Variants in OSBPL1A observed in about 807,000 individuals in gnomAD.
The protein encoded by OSBPL1A is oxysterol-binding protein-related protein 1.
A neutral mutation model predicts 137.1 loss-of-function variants in OSBPL1A; 80 were observed. That is an observed-to-expected ratio of 0.58 (90% CI 0.49 to 0.70). The LOEUF (loss-of-function observed/expected upper bound fraction) is 0.70. OSBPL1A is among the 30% of genes least tolerant of loss of function. The probability of loss-of-function intolerance (pLI) is 0.00; values close to 1 mark genes in which losing one functional copy is unlikely to be tolerated. For missense variants in OSBPL1A, 970 were observed against 1,129.4 expected (o/e 0.86, Z 2.02); for synonymous variants, 365 against 389.7 (o/e 0.94, Z 0.75).
intron 17 of OSBPL1A, among the ~76,000 whole-genome samples, chr18:24,218,030 A>G (rs989558148): frequency 6.6e-6 from 1 of 152,124 alleles, no homozygotes; most frequent in African/African-American, 2.4e-5. Context: ...AAAATGGGGG[A>G]GGGAAGAGGA....
chr18:24,394,629 T>C (rs1217215665), intron 1 of OSBPL1A, among the ~76,000 whole-genome samples: 7 of 152,162 alleles, frequency 4.6e-5, no homozygotes, highest in African/African-American at 1.4e-4. Flanking sequence ...TTTAGAAAAA[T>C]GCATTAAAAT....
intron 14 of OSBPL1A, among the ~76,000 whole-genome samples, chr18:24,293,223 G>A (rs1457412156): frequency 6.6e-6 from 1 of 151,944 alleles, no homozygotes; most frequent in Non-Finnish European, 1.5e-5. Flanking sequence ...AGAGACTGGC[G>A]TGCGGGACAC....
chr18:24,353,796 T>C (rs1360139824), intron 4 of OSBPL1A, among the ~76,000 whole-genome samples: 2 of 151,840 alleles, frequency 1.3e-5, no homozygotes, highest in South Asian at 2.1e-4. Context: ...GAAACCATCA[T>C]ACTCAGCAAA....
intron 14 of OSBPL1A, among the ~76,000 whole-genome samples, chr18:24,297,297 G>C (rs561875885): frequency 5.8e-4 from 88 of 152,180 alleles, no homozygotes; most frequent in African/African-American, 2.1e-3. Flanking sequence ...TTTCATAATA[G>C]TTTCAAATGA....
intron 7 of OSBPL1A, among the ~76,000 whole-genome samples, chr18:24,327,405 G>A (rs1016437265): frequency 1.3e-4 from 20 of 151,826 alleles, no homozygotes; most frequent in Admixed American, 1.3e-3. Flanking sequence ...GCCTTTGATT[G>A]ATTGATTGAT....
chr18:24,186,526 A>C (rs1031486638), intron 18 of OSBPL1A, among the ~76,000 whole-genome samples: 2 of 152,166 alleles, frequency 1.3e-5, no homozygotes, highest in Admixed American at 6.5e-5. Context: ...GGGCATATGG[A>C]ATCCTAATAA....
At chr18:24,248,822 C>A (rs1305820550) in intron 15 of OSBPL1A, among the ~76,000 whole-genome samples, 1 of 151,994 alleles carries the variant, frequency 6.6e-6, no homozygotes, top group East Asian at 1.9e-4. Context: ...CAATATAAAC[C>A]CAGAATATTT....
chr18:24,313,468 A>G lies in OSBPL1A; in HGVS notation c.969+781T>C, dbSNP rs1236637307. Among the ~76,000 whole-genome samples the G allele has an allele frequency of 3.9e-5, 6 of 151,908 alleles. No individual in the cohort carries two copies. The South Asian group carries it at 1.0e-3, about 26-fold the overall frequency. On this transcript the variant is annotated intron_variant, in intron 12 of 27. Transcript: ENST00000319481. Reference sequence around the variant, plus strand: ...GGATAGTCCATTAAGTGACTGCACCATAAGTATTGGTCAAGTAAATCCCAA... The same window carrying G: ...GGATAGTCCATTAAGTGACTGCACCGTAAGTATTGGTCAAGTAAATCCCAA...
intron 12 of OSBPL1A, 85 bp downstream of exon 12, chr18:24,314,164 T>C: frequency 1.3e-6 from 1 of 794,802 alleles, no homozygotes; most frequent in Non-Finnish European, 2.0e-6. Context: ...AGATGTTGGA[T>C]GTTACCACTG....
intron 16 of OSBPL1A, among the ~76,000 whole-genome samples, chr18:24,234,103 G>GA (rs1479518659): frequency 6.6e-6 from 1 of 152,084 alleles, no homozygotes; most frequent in Non-Finnish European, 1.5e-5. Flanking sequence ...GTAGCAAAAA[G>GA]AAAAAACAAC....
chr18:24,340,324 A>G (rs2091253133), intron 5 of OSBPL1A, among the ~76,000 whole-genome samples: 1 of 152,234 alleles, frequency 6.6e-6, no homozygotes, highest in Admixed American at 6.5e-5. Context: ...CATAACAATG[A>G]AGCTCAACCA....
intron 14 of OSBPL1A, chr18:24,301,406 G>A (rs1015973479): frequency 1.3e-5 from 2 of 152,156 alleles, no homozygotes; most frequent in Non-Finnish European, 2.9e-5. Flanking sequence ...ATGTGGTCCA[G>A]GTTAAATGAA....
At chr18:24,272,098 C>A in intron 15 of OSBPL1A, 2 of 983,120 alleles carry the variant, frequency 2.0e-6, no homozygotes, top group Non-Finnish European at 2.4e-6. Context: ...TAGGGACCGC[C>A]GGGGAAGCCT....
intron 18 of OSBPL1A, among the ~76,000 whole-genome samples, chr18:24,188,001 G>T (rs893325617): frequency 2.0e-5 from 3 of 152,162 alleles, no homozygotes; most frequent in African/African-American, 7.2e-5. Flanking sequence ...GGGTGGGATT[G>T]ATCATAAAGA....
chr18:24,284,315 A>G (rs2090026034), intron 14 of OSBPL1A, among the ~76,000 whole-genome samples: 1 of 152,166 alleles, frequency 6.6e-6, no homozygotes, highest in Admixed American at 6.5e-5. Flanking sequence ...TTAGAGACTA[A>G]ACTGTCATGA....
chr18:24,194,907 A>T (rs1002704472), intron 18 of OSBPL1A, among the ~76,000 whole-genome samples: 1 of 152,206 alleles, frequency 6.6e-6, no homozygotes, highest in Non-Finnish European at 1.5e-5. Flanking sequence ...GAGTCAAAAA[A>T]TATTTGTTTA....
chr18:24,380,989 A>C (rs1320624388), intron 1 of OSBPL1A, among the ~76,000 whole-genome samples: 2 of 152,108 alleles, frequency 1.3e-5, no homozygotes, highest in Non-Finnish European at 2.9e-5. Context: ...AAGAAAAAGT[A>C]AAAAGCTCTT....
At position 24,368,323 on chromosome 18, in the gene OSBPL1A, A is replaced by G; in HGVS notation, c.171T>C (p.Tyr57=). 1.9e-6 allele frequency: 3 copies of G among 1,613,804 alleles called. No individual in the cohort carries two copies. The highest frequency in any genetic ancestry group is 2.5e-6 in the Non-Finnish European group (3 of 1,179,726). ...LGWTPLHLAC[Y]FGHRQVVQDL... is the part of the protein sequence containing the mutation. The stretch of plus-strand genomic sequence containing the variant: ...CCTGGACCACTTGTCTGTGTCCAAA[A>G]TAGCATGCCAGATGTAGAGGTGTCC... Residue 57 remains tyrosine, a synonymous_variant, in exon 3 of 28, where the codon TAT becomes TAC. Transcript: ENST00000319481.
At chr18:24,213,711 C>A (rs533619696) in intron 17 of OSBPL1A, among the ~76,000 whole-genome samples, 6 of 152,218 alleles carry the variant, frequency 3.9e-5, no homozygotes, top group Admixed American at 1.3e-4. Flanking sequence ...CTTAACAAAT[C>A]TGGCTCTACA....
Sources: gnomAD v4.1 joint callset for allele counts (sites outside exome capture counted in the v4.1 genomes callset) on GRCh38, gnomAD v4.1.1 for gene constraint, MANE v1.5 for transcripts, NCBI Gene and HGNC (gene_info 2026-07-23, HGNC 2026-07-21) for gene names.